Variants in CD5 observed in about 807,000 individuals in gnomAD.
CD5 encodes CD5 molecule, also known as T-cell surface glycoprotein CD5.
CD5 carries 36 observed loss-of-function variants against 60.3 expected under a neutral mutation model. The ratio of observed to expected loss-of-function variants is 0.60; its 90% CI spans 0.46 to 0.79. CD5 has a LOEUF of 0.79. Among genes scored for constraint, CD5 ranks in the 30% least tolerant of loss-of-function variants. The pLI, the probability that CD5 is intolerant of heterozygous loss-of-function variation, is 0.00. For missense variants in CD5, 540 were observed against 630.6 expected, an observed-to-expected ratio of 0.86 and a Z score of 1.54; for synonymous variants, 230 against 257.6, an observed-to-expected ratio of 0.89 and a Z score of 1.03.
upstream of CD5, among the ~76,000 whole-genome samples, chr11:61,099,577 AT>A (rs1860630358): frequency 6.6e-6 from 1 of 151,216 alleles, no homozygotes; most frequent in African/African-American, 2.4e-5. Flanking sequence ...CAACATGGAG[AT>A]TCACACATAT....
At chr11:61,110,112 G>A (rs115452941) in intron 1 of CD5, among the ~76,000 whole-genome samples, 3,715 of 152,158 alleles carry the variant, frequency 0.024, 154 homozygotes, top group African/African-American at 0.083. Context: ...GGAGGGTGCT[G>A]GTCTGACCCC....
At chr11:61,095,522 C>T in the CD5 span, among the ~76,000 whole-genome samples, 32 of 152,206 alleles carry the variant, frequency 2.1e-4, no homozygotes, top group Admixed American at 4.6e-4. Flanking sequence ...ACCAGCTGCT[C>T]ATGTACCTCT....
intron 7 of CD5, among the ~76,000 whole-genome samples, chr11:61,123,395 C>T (rs1263529136): frequency 6.6e-6 from 1 of 152,076 alleles, no homozygotes; most frequent in Non-Finnish European, 1.5e-5. Context: ...TTACCACTGC[C>T]CAAGATGCTG....
intron 2 of CD5, among the ~76,000 whole-genome samples, chr11:61,115,425 CAG>C (rs1860923852): frequency 6.6e-6 from 1 of 152,200 alleles, no homozygotes; most frequent in Admixed American, 6.5e-5. Context: ...CCAATCCTGA[CAG>C]ATGCTCCATG....
intron 1 of CD5, among the ~76,000 whole-genome samples, chr11:61,106,861 T>C (rs1397046078): frequency 6.6e-6 from 1 of 152,118 alleles, no homozygotes; most frequent in African/African-American, 2.4e-5. Flanking sequence ...TGTGTCCACC[T>C]CAAAAGATCA....
intron 1 of CD5, among the ~76,000 whole-genome samples, chr11:61,103,036 C>A (rs564410734): frequency 6.0e-4 from 91 of 152,364 alleles, no homozygotes; most frequent in African/African-American, 2.1e-3. Context: ...AACTCGCCGT[C>A]TCCGAGGCAG....
rs564473108 is a variant in CD5, at chr11:61,102,489, G to A, written c.-72G>A. On this transcript the variant is annotated 5_prime_UTR_variant, in exon 1 of 11. Coordinates refer to ENST00000347785, the MANE Select transcript of CD5 (RefSeq NM_014207.4). ...CCCCGCCCTCTCCCTCTCTGAGAGCGAGATACCCGGCCAGACACCCTCACC... is the reference window on the plus strand; with the variant it reads ...CCCCGCCCTCTCCCTCTCTGAGAGCAAGATACCCGGCCAGACACCCTCACC... 9.4e-5 allele frequency: 89 copies of A among 945,288 alleles called. 1 individual carries two copies. The Middle Eastern group carries it at 1.2e-3, about 12-fold the overall frequency. The allele number at this position is 945,288 out of a possible 1,614,324, so 58.6% of individuals were successfully genotyped here. A position where few individuals can be genotyped will look rare whatever the true frequency, so the allele number is the denominator to read the frequency against.
intron 5 of CD5, among the ~76,000 whole-genome samples, chr11:61,120,837 A>G (rs552353809): frequency 4.6e-5 from 7 of 152,312 alleles, no homozygotes; most frequent in South Asian, 4.1e-4. Flanking sequence ...CCCCTCAGCT[A>G]CTATCCTTCC....
intron 8 of CD5, among the ~76,000 whole-genome samples, chr11:61,124,224 A>G (rs1341347538): frequency 6.6e-6 from 1 of 152,144 alleles, no homozygotes; most frequent in Non-Finnish European, 1.5e-5. Flanking sequence ...TAGGGTCCCC[A>G]GCAGCCCTCA....
intron 1 of CD5, among the ~76,000 whole-genome samples, chr11:61,111,516 C>G (rs574262032): frequency 6.6e-6 from 1 of 152,168 alleles, no homozygotes; most frequent in Non-Finnish European, 1.5e-5. Flanking sequence ...TATGATGACT[C>G]GGGAAATAGA....
chr11:61,099,441 C>T (rs562150071), upstream of CD5, among the ~76,000 whole-genome samples: 8 of 112,530 alleles, frequency 7.1e-5, no homozygotes, highest in South Asian at 2.1e-3. Flanking sequence ...CACACACACA[C>T]ATCAACATGG....
intron 1 of CD5, among the ~76,000 whole-genome samples, chr11:61,105,644 A>G (rs888673564): frequency 1.3e-5 from 2 of 152,194 alleles, no homozygotes; most frequent in Admixed American, 1.3e-4. Context: ...CAATCTCTCT[A>G]CCCCTCAATC....
Position 61,118,533 on chromosome 11 carries a change from G to A in CD5, c.400+53G>A, listed in dbSNP as rs1001440514. On this transcript the variant is annotated intron_variant, in intron 3 of 10. Coordinates refer to ENST00000347785, the MANE Select transcript of CD5 (RefSeq NM_014207.4). This position sits in a 1 kb window ranked among gnomAD's most constrained non-coding sequence, Gnocchi z 4.7. Reference sequence around the variant, plus strand: ...CCCTGGGCCTGGGCGCCAGCCCCGAGGAGACTGCCCGAGGCCTGTGATCTA... The same window carrying A: ...CCCTGGGCCTGGGCGCCAGCCCCGAAGAGACTGCCCGAGGCCTGTGATCTA... The A allele has an allele frequency of 2.6e-6, 4 of 1,562,796 alleles. No homozygotes were observed. Among genetic ancestry groups the A allele is most frequent in the South Asian group, 2.3e-5 (2 of 86,638 alleles).
At chr11:61,123,396 C>T (rs752131968) in intron 7 of CD5, among the ~76,000 whole-genome samples, 18 of 151,996 alleles carry the variant, frequency 1.2e-4, no homozygotes, top group Non-Finnish European at 1.8e-4. Context: ...TACCACTGCC[C>T]AAGATGCTGA....
Position 61,118,907 on chromosome 11 carries a change from C to T in CD5, c.401-8C>T, listed in dbSNP as rs746685762. ...CCATTCCTCCCTCACCAGAGTGTCT[C>T]ATTGCAGAACCCCAGAAGACAACAC... On this transcript the variant is annotated splice_polypyrimidine_tract_variant and splice_region_variant and intron_variant, in intron 3 of 10. Coordinates refer to ENST00000347785, the MANE Select transcript of CD5 (RefSeq NM_014207.4). This position sits in a 1 kb window ranked among gnomAD's most constrained non-coding sequence, Gnocchi z 4.7. 3.1e-6 allele frequency: 5 copies of T among 1,612,570 alleles called. No individual in the cohort carries two copies. The East Asian group carries it at 1.1e-4, about 36-fold the overall frequency.
chr11:61,100,905 ACAT>A (rs1292770873), upstream of CD5, among the ~76,000 whole-genome samples: 1 of 147,454 alleles, frequency 6.8e-6, no homozygotes, highest in Non-Finnish European at 1.5e-5. Flanking sequence ...GATCACACAC[ACAT>A]CAACATGGAG....
intron 2 of CD5, among the ~76,000 whole-genome samples, chr11:61,116,300 C>T (rs1211937902): frequency 6.6e-6 from 1 of 151,952 alleles, no homozygotes; most frequent in Non-Finnish European, 1.5e-5. Flanking sequence ...CCCCCGACGT[C>T]GACCCCAACA....
intron 1 of CD5, among the ~76,000 whole-genome samples, chr11:61,105,445 G>A (rs1860764273): frequency 1.3e-5 from 2 of 152,164 alleles, no homozygotes; most frequent in East Asian, 1.9e-4. Context: ...CCTCATAGAG[G>A]CTTATAAGGA....
chr11:61,125,801 G>T lies in CD5; in HGVS notation c.1450G>T (p.Asp484Tyr). Residue 484 changes from aspartate to tyrosine, a missense_variant, in exon 10 of 11, where the codon GAC becomes TAC. Physicochemically the swap from Asp to Tyr is radical, Grantham distance 160. Transcript: ENST00000347785. ...RSSMQPDNSS[D>Y]SDYDLHGAQR... The stretch of plus-strand genomic sequence containing the variant: ...CTCCATGCAGCCTGACAACTCCTCC[G>T]ACAGTGACTATGATCTGCATGGGGC... 1 of 1,612,672 alleles carries T rather than the reference G, an allele frequency of 6.2e-7. No homozygotes were observed.
Sources: gnomAD v4.1 joint callset for allele counts (sites outside exome capture counted in the v4.1 genomes callset) on GRCh38, gnomAD v4.1.1 for gene constraint, Gnocchi (gnomAD v3.1) non-coding constraint, MANE v1.5 for transcripts, NCBI Gene and HGNC (gene_info 2026-07-23, HGNC 2026-07-21) for gene names.